DLC1: variants seen among roughly 807,000 people sequenced by gnomAD.
DLC1 encodes rho GTPase-activating protein 7.
Under a neutral mutation model 140.3 loss-of-function variants are expected in DLC1, and 54 were observed. The ratio of observed to expected loss-of-function variants is 0.38; its 90% CI spans 0.31 to 0.48. The LOEUF (loss-of-function observed/expected upper bound fraction) is 0.48, where lower values mean the gene tolerates loss of function less well. DLC1 is among the 20% of genes least tolerant of loss of function. DLC1 has a pLI of 0.96. For missense variants in DLC1, 2,536 were observed against 1,907.0 expected (o/e 1.33, Z -6.14); for synonymous variants, 986 against 728.1 (o/e 1.35, Z -5.70).
chr8:13,185,284 TTTTTTTTGTTTGTTTG>T (rs1460309097), intron 5 of DLC1, among the ~76,000 whole-genome samples: 7 of 25,930 alleles, frequency 2.7e-4, no homozygotes, highest in African/African-American at 8.4e-4. Flanking sequence ...GTCTTTTCTG[TTTTTTTTGTTTGTTTG>T]TTTGTTTGTT....
intron 2 of DLC1, among the ~76,000 whole-genome samples, chr8:13,482,550 GT>G (rs1800784752): frequency 6.6e-6 from 1 of 152,074 alleles, no homozygotes; most frequent in Non-Finnish European, 1.5e-5. Flanking sequence ...TAGAAATCAT[GT>G]TTTCTATCAA....
intron 2 of DLC1, among the ~76,000 whole-genome samples, chr8:13,441,941 T>C (rs1023766093): frequency 2.0e-5 from 3 of 152,110 alleles, no homozygotes; most frequent in Admixed American, 1.3e-4. Context: ...ATCACACTAT[T>C]TGACTTCAAA....
intron 2 of DLC1, among the ~76,000 whole-genome samples, chr8:13,478,109 G>C (rs1412001134): frequency 6.6e-6 from 1 of 152,172 alleles, no homozygotes; most frequent in African/African-American, 2.4e-5. Flanking sequence ...ATAAAGAAGA[G>C]AGGTTTAACT....
intron 5 of DLC1, among the ~76,000 whole-genome samples, chr8:13,174,715 T>A (rs192154344): frequency 6.6e-6 from 1 of 152,232 alleles, no homozygotes; most frequent in East Asian, 1.9e-4. Context: ...TGGGGTTGTA[T>A]GTTTTTTGCT....
intron 5 of DLC1, among the ~76,000 whole-genome samples, chr8:13,269,245 C>G (rs532176016): frequency 1.3e-5 from 2 of 152,076 alleles, no homozygotes; most frequent in Non-Finnish European, 2.9e-5. Context: ...GTACTATAGT[C>G]GTGAGTTTGA....
At chr8:13,131,504 C>G (rs1029803412) in intron 5 of DLC1, among the ~76,000 whole-genome samples, 1 of 152,284 alleles carries the variant, frequency 6.6e-6, no homozygotes, top group East Asian at 1.9e-4. Context: ...AATCCATTTG[C>G]TCATCCATAT....
intron 5 of DLC1, among the ~76,000 whole-genome samples, chr8:13,159,415 C>T (rs143823879): frequency 1.1e-3 from 160 of 152,280 alleles, no homozygotes; most frequent in African/African-American, 3.5e-3. Flanking sequence ...ATCAAAGGAT[C>T]GGGAGACAGC....
intron 2 of DLC1, among the ~76,000 whole-genome samples, chr8:13,452,970 T>C (rs1214766963): frequency 1.3e-5 from 2 of 151,988 alleles, no homozygotes; most frequent in African/African-American, 2.4e-5. Context: ...CACAGTTTCT[T>C]GTTGTTGTTG....
chr8:13,459,731 A>G (rs1386289733), intron 2 of DLC1, among the ~76,000 whole-genome samples: 1 of 152,206 alleles, frequency 6.6e-6, no homozygotes, highest in African/African-American at 2.4e-5. Flanking sequence ...ATCCGGTCTA[A>G]ATAGTGACCC....
intron 1 of DLC1, chr8:13,567,820 G>C (rs1039737134): frequency 1.3e-6 from 2 of 1,551,704 alleles, no homozygotes; most frequent in African/African-American, 1.4e-5. Flanking sequence ...CTCTGGTTTT[G>C]AAAGATCAGA....
At chr8:13,220,813 C>T (rs1487670051) in intron 5 of DLC1, among the ~76,000 whole-genome samples, 5 of 152,096 alleles carry the variant, frequency 3.3e-5, no homozygotes, top group Admixed American at 1.3e-4. Context: ...TGGAAATATA[C>T]GGAGTTTGAA....
intron 4 of DLC1, among the ~76,000 whole-genome samples, chr8:13,380,149 G>C (rs1167552005): frequency 2.6e-5 from 4 of 152,148 alleles, no homozygotes; most frequent in Non-Finnish European, 1.5e-5. Flanking sequence ...GCACTTGCTA[G>C]AACTGAGGAA....
At chr8:13,339,812 T>C (rs1260938424) in intron 4 of DLC1, 1 of 152,244 alleles carries the variant, frequency 6.6e-6, no homozygotes, top group Non-Finnish European at 1.5e-5. Flanking sequence ...ACAAAGTTTT[T>C]CACTCATGGC....
rs181029012 is a variant in DLC1 at position 13,602,605 on chromosome 8, T to C, written c.-126+1932A>G. On this transcript the variant is annotated intron_variant, in intron 1 of 1. Coordinates refer to the DLC1 transcript ENST00000631382. Reference sequence around the variant, plus strand: ...AAACAAGAATGACTCTATGTGTTAATTGTCAAAACAGTCCTGAGTACCTAG... The same window carrying C: ...AAACAAGAATGACTCTATGTGTTAACTGTCAAAACAGTCCTGAGTACCTAG... Among the ~76,000 whole-genome samples the C allele has an allele frequency of 4.4e-3, 670 of 151,968 alleles. 8 individuals carry two copies. The highest frequency in any genetic ancestry group is 0.015 in the African/African-American group (639 of 41,558).
intron 5 of DLC1, among the ~76,000 whole-genome samples, chr8:13,149,545 T>C (rs1168818563): frequency 6.6e-6 from 1 of 152,194 alleles, no homozygotes; most frequent in East Asian, 1.9e-4. Flanking sequence ...TCTCAGTCTA[T>C]AAAATCTGAT....
chr8:13,509,453 CATCTT>C (rs1292957916), intron 1 of DLC1, among the ~76,000 whole-genome samples: 1 of 152,178 alleles, frequency 6.6e-6, no homozygotes, highest in Non-Finnish European at 1.5e-5. Flanking sequence ...TCTATCATCT[CATCTT>C]AATTATGTCA....
chr8:13,448,638 C>T lies in DLC1; in HGVS notation c.1024-47019G>A, dbSNP rs181590301. ...CTTCCCAAAGTGCTGGGATTACAGG[C>T]GTGAGCCACCGCACCCAGCCTCCTA... On this transcript the variant is annotated intron_variant, in intron 2 of 17. Transcript: ENST00000276297. 2.6e-3 allele frequency among the ~76,000 whole-genome samples: 396 copies of T among 152,272 alleles called. 2 individuals carry two copies. Among genetic ancestry groups the T allele is most frequent in the African/African-American group, 8.6e-3 (359 of 41,558 alleles).
chr8:13,455,971 G>A (rs1234216653), intron 2 of DLC1, among the ~76,000 whole-genome samples: 2 of 152,304 alleles, frequency 1.3e-5, no homozygotes, highest in South Asian at 2.1e-4. Flanking sequence ...CCAAATTTGT[G>A]TTAATTTTGT....
At chr8:13,404,919 G>A (rs1240996060) in intron 2 of DLC1, among the ~76,000 whole-genome samples, 3 of 152,034 alleles carry the variant, frequency 2.0e-5, no homozygotes, top group African/African-American at 4.8e-5. Context: ...AGGCAAGAGA[G>A]TCGCTTGAAC....
Sources: allele counts gnomAD v4.1 joint callset (sites outside exome capture counted in the v4.1 genomes callset), GRCh38; gene constraint gnomAD v4.1.1; transcripts MANE v1.5; gene names NCBI Gene and HGNC (gene_info 2026-07-23, HGNC 2026-07-21).